Variants in PRKG1 observed in about 807,000 individuals in gnomAD.
The protein encoded by PRKG1 is cGMP-dependent protein kinase 1.
A neutral mutation model predicts 88.1 loss-of-function variants in PRKG1; 35 were observed. The observed-to-expected ratio is 0.40, with a 90% CI of 0.30 to 0.53. The LOEUF is 0.53. Ranked by LOEUF, PRKG1 falls within the 20% of genes least tolerant of loss-of-function variation. PRKG1 has a pLI of 0.59. For synonymous variants in PRKG1, 303 were observed against 292.5 expected, an observed-to-expected ratio of 1.04 and a Z score of -0.37; for missense variants, 540 against 839.8, an observed-to-expected ratio of 0.64 and a Z score of 4.41.
At chr10:51,050,406 A>G (rs1477376913) in intron 1 of PRKG1, among the ~76,000 whole-genome samples, 1 of 152,100 alleles carries the variant, frequency 6.6e-6, no homozygotes, top group Non-Finnish European at 1.5e-5. Context: ...TAAAAGTGGG[A>G]TCACATAGTA....
chr10:51,019,335 A>G (rs1477973783), intron 1 of PRKG1, among the ~76,000 whole-genome samples: 1 of 152,224 alleles, frequency 6.6e-6, no homozygotes, highest in Admixed American at 6.5e-5. Context: ...GAGGCCGGAA[A>G]TAAATAAGAT....
At chr10:52,175,058 AT>A (rs1369128112) in intron 9 of PRKG1, among the ~76,000 whole-genome samples, 1 of 152,044 alleles carries the variant, frequency 6.6e-6, no homozygotes, top group Non-Finnish European at 1.5e-5. Flanking sequence ...TCATCCTACA[AT>A]GATATAGAAC....
chr10:51,704,385 A>G lies in PRKG1; in HGVS notation c.593-100200A>G, dbSNP rs1564614611. 2.0e-5 allele frequency among the ~76,000 whole-genome samples: 3 copies of G among 152,156 alleles called. No homozygotes were observed. In the South Asian group the frequency reaches 6.2e-4, roughly 32 times the overall value. On this transcript the variant is annotated intron_variant, in intron 3 of 17. Transcript: ENST00000373980. ...CAGGAAATGACTTTAAAGTTTGCTA[A>G]TTCACAAATATTTCATTTTACCAAG...
intron 2 of PRKG1, among the ~76,000 whole-genome samples, chr10:51,173,709 A>G (rs945745290): frequency 6.6e-6 from 1 of 151,888 alleles, no homozygotes; most frequent in Admixed American, 6.6e-5. Flanking sequence ...AATTCCTCAT[A>G]CCAAATGTAT....
chr10:51,913,462 T>C (rs1030555781), intron 5 of PRKG1, among the ~76,000 whole-genome samples: 8 of 152,186 alleles, frequency 5.3e-5, no homozygotes, highest in African/African-American at 1.9e-4. Flanking sequence ...TGAGAACATG[T>C]AGTAATTTAA....
chr10:51,930,040 GA>G (rs1419478551), intron 5 of PRKG1, among the ~76,000 whole-genome samples: 1 of 152,090 alleles, frequency 6.6e-6, no homozygotes, highest in African/African-American at 2.4e-5. Context: ...AGCATGTCTA[GA>G]GACCCAAAGT....
intron 3 of PRKG1, among the ~76,000 whole-genome samples, chr10:51,731,153 C>CAACAAACAAACA (rs545948349): frequency 6.6e-6 from 1 of 151,924 alleles, no homozygotes; most frequent in East Asian, 1.9e-4. Flanking sequence ...CAAAGAAAAA[C>CAACAAACAAACA]AACAAACAAA....
intron 3 of PRKG1, among the ~76,000 whole-genome samples, chr10:51,685,614 T>C (rs1461942519): frequency 6.6e-6 from 1 of 152,214 alleles, no homozygotes; most frequent in Non-Finnish European, 1.5e-5. Flanking sequence ...TTAAAAAACA[T>C]TTTAAATAAT....
chr10:51,125,009 CAT>C (rs1291927172), intron 1 of PRKG1, among the ~76,000 whole-genome samples: 1 of 152,174 alleles, frequency 6.6e-6, no homozygotes, highest in Non-Finnish European at 1.5e-5. Flanking sequence ...AGACATTCTC[CAT>C]ATTGCTTTTA....
chr10:51,099,563 T>C (rs927050295), intron 1 of PRKG1, among the ~76,000 whole-genome samples: 20 of 152,170 alleles, frequency 1.3e-4, no homozygotes, highest in African/African-American at 4.6e-4. Flanking sequence ...TAACTTGAAA[T>C]ACTTGACCTG....
intron 9 of PRKG1, among the ~76,000 whole-genome samples, chr10:52,217,311 T>C (rs1347839048): frequency 6.6e-6 from 1 of 150,646 alleles, no homozygotes; most frequent in East Asian, 2.0e-4. Flanking sequence ...GGGGTAAATA[T>C]ACATATACAC....
At chr10:51,843,113 T>TTTTTTTC in intron 4 of PRKG1, among the ~76,000 whole-genome samples, 1 of 148,526 alleles carries the variant, frequency 6.7e-6, no homozygotes, top group Non-Finnish European at 1.5e-5. Flanking sequence ...TTTTTTTTTT[T>TTTTTTTC]TTTGAGACGG....
intron 7 of PRKG1, among the ~76,000 whole-genome samples, chr10:52,063,767 G>A (rs756995646): frequency 1.1e-4 from 16 of 151,986 alleles, no homozygotes; most frequent in South Asian, 2.1e-4. Context: ...TAGGCAGGTC[G>A]TCCCAATGAG....
chr10:51,138,391 A>G (rs917289749), intron 1 of PRKG1, among the ~76,000 whole-genome samples: 7 of 152,202 alleles, frequency 4.6e-5, no homozygotes, highest in African/African-American at 1.4e-4. Flanking sequence ...TATGATGCCA[A>G]ATGAGTCAAC....
intron 3 of PRKG1, among the ~76,000 whole-genome samples, chr10:51,474,626 T>C (rs527670838): frequency 5.9e-5 from 9 of 151,956 alleles, no homozygotes; most frequent in Non-Finnish European, 1.3e-4. Context: ...AGTAGCTACA[T>C]TTTTTTACAT....
chr10:52,051,979 C>G (rs1429451025), intron 5 of PRKG1, among the ~76,000 whole-genome samples: 1 of 86,332 alleles, frequency 1.2e-5, no homozygotes, highest in East Asian at 2.2e-3. Flanking sequence ...AAGATGTTCT[C>G]CTCTCCCGCT....
In PRKG1 at chr10:52,293,986, A is replaced by C; in HGVS notation, c.*86A>C. On this transcript the variant is annotated 3_prime_UTR_variant, in exon 18 of 18. Coordinates refer to ENST00000373980, the MANE Select transcript of PRKG1 (RefSeq NM_006258.4). ...AGCAAACCTGAGGGAAAGAGAGAAGATTAGTGCTCGGGGTCACCATGATGC... is the reference window on the plus strand; with the variant it reads ...AGCAAACCTGAGGGAAAGAGAGAAGCTTAGTGCTCGGGGTCACCATGATGC... 2 of 1,154,962 alleles carry C rather than the reference A, an allele frequency of 1.7e-6. No homozygotes were observed. Among genetic ancestry groups the C allele is most frequent in the South Asian group, 2.7e-5 (2 of 75,030 alleles). The allele number at this position is 1,154,962 out of a possible 1,614,324, so 71.5% of individuals were successfully genotyped here. A position where few individuals can be genotyped will look rare whatever the true frequency, so the allele number is the denominator to read the frequency against.
intron 10 of PRKG1, among the ~76,000 whole-genome samples, chr10:52,254,121 C>A (rs188300840): frequency 2.0e-5 from 3 of 152,024 alleles, no homozygotes; most frequent in African/African-American, 7.2e-5. Context: ...GGGAGTTTGG[C>A]CTCATCACTT....
intron 3 of PRKG1, among the ~76,000 whole-genome samples, chr10:51,592,988 T>A (rs1187807624): frequency 6.6e-6 from 1 of 152,212 alleles, no homozygotes; most frequent in African/African-American, 2.4e-5. Flanking sequence ...TGAGTTTAAT[T>A]TTAAGTCATC....
Sources: allele counts gnomAD v4.1 joint callset (sites outside exome capture counted in the v4.1 genomes callset), GRCh38; gene constraint gnomAD v4.1.1; transcripts MANE v1.5; gene names NCBI Gene and HGNC (gene_info 2026-07-23, HGNC 2026-07-21).